SPRN: variants seen among roughly 807,000 people sequenced by gnomAD.
SPRN encodes shadow of prion protein, also known as hypothetical protein BC004409.
For synonymous variants in SPRN, 182 were observed against 123.4 expected (o/e 1.48, Z -3.15); for missense variants, 312 against 241.4 (o/e 1.29, Z -1.94).
At chr10:133,423,741 G>A (rs1850307055) in intron 1 of SPRN, 44 bp from the exon 2 acceptor site, 2 of 1,354,304 alleles carry the variant, frequency 1.5e-6, no homozygotes, top group East Asian at 2.9e-5. Context: ...CATGGAGATC[G>A]GGTGCCCAGG....
At position 133,423,214 on chromosome 10, in the gene SPRN, G is replaced by A. The variant is rs765839943; in HGVS notation, c.*12C>T. 273 of 1,411,700 alleles carry A rather than the reference G, an allele frequency of 1.9e-4. 1 individual carries two copies. Among genetic ancestry groups the A allele is most frequent in the Non-Finnish European group, 2.4e-4 (260 of 1,081,986 alleles). The allele number at this position is 1,411,700 out of a possible 1,614,324, so 87.4% of individuals were successfully genotyped here. On this transcript the variant is annotated 3_prime_UTR_variant, in exon 2 of 2. Coordinates refer to ENST00000685335, the MANE Select transcript of SPRN (RefSeq NM_001391974.1). ...GCCGGGGGCCAGATGTGGTCCCCGA[G>A]CCCAGCCAGGCCTAGGGCCGCAGCA...
In SPRN at chr10:133,423,493, G is replaced by A; in HGVS notation, c.189C>T (p.Ser63=). 9.4e-6 allele frequency: 11 copies of A among 1,164,310 alleles called. No individual in the cohort carries two copies. The highest frequency in any genetic ancestry group is 1.2e-5 in the Non-Finnish European group (11 of 948,518). The allele number at this position is 1,164,310 out of a possible 1,614,324, so 72.1% of individuals were successfully genotyped here. A position where few individuals can be genotyped will look rare whatever the true frequency, so the allele number is the denominator to read the frequency against. Residue 63 remains serine (S), a synonymous_variant, in exon 2 of 2, where the codon TCC becomes TCT. Coordinates refer to ENST00000685335, the MANE Select transcript of SPRN (RefSeq NM_001391974.1). ...PAQRYGAPGS[S]LRVAAAGAAA... Reference sequence around the variant, plus strand: ...CCGCCCCGGCGGCAGCCACGCGCAGGGAGGAGCCCGGGGCACCGTAGCGCT... The same window carrying A: ...CCGCCCCGGCGGCAGCCACGCGCAGAGAGGAGCCCGGGGCACCGTAGCGCT...
chr10:133,421,014 G>C lies in SPRN; in HGVS notation c.*2212C>G, dbSNP rs1474619616. 2 of 152,678 alleles carry C rather than the reference G, an allele frequency of 1.3e-5. No homozygotes were observed. Among genetic ancestry groups the C allele is most frequent in the Non-Finnish European group, 2.9e-5 (2 of 68,388 alleles). 9.5% of individuals were successfully genotyped at this position (152,678 alleles called of 1,614,324 possible). ...GGGAAGAGGAAGGAAGGTGGGTGGG[G>C]CTGGTAGTATGGACTAAGGTGCTGC... On this transcript the variant is annotated 3_prime_UTR_variant, in exon 2 of 2. Transcript: ENST00000685335.
chr10:133,423,462 C>G lies in SPRN; in HGVS notation c.220G>C (p.Gly74Arg). 4 of 1,172,580 alleles carry G rather than the reference C, an allele frequency of 3.4e-6. No homozygotes were observed. Among genetic ancestry groups the G allele is most frequent in the Non-Finnish European group, 4.2e-6 (4 of 958,880 alleles). The allele number at this position is 1,172,580 out of a possible 1,614,324, so 72.6% of individuals were successfully genotyped here. The stretch of plus-strand genomic sequence containing the variant: ...CCCGCGGCCGCTCCCGCCGCCGCCC[C>G]GGCTGCCGCCCCGGCGGCAGCCACG... ...LRVAAAGAAA[G>R]AAAGAAAGLA... The change falls in exon 2 of 2, where the codon GGG becomes CGG. Residue 74 changes from glycine to arginine, a missense_variant. Transcript: ENST00000685335.
In SPRN at chr10:133,422,462, A is replaced by G. The variant is rs1455259370; in HGVS notation, c.*764T>C. 6.6e-6 allele frequency: 1 copy of G among 152,276 alleles called. No homozygotes were observed. The highest frequency in any genetic ancestry group is 1.5e-5 in the Non-Finnish European group (1 of 68,078). The allele number at this position is 152,276 out of a possible 1,614,324, so 9.4% of individuals were successfully genotyped here. ...TTCAAAGGACTTGGAAAGCTCTGGA[A>G]TGTGTTGGTTTTTCCCCCCCAAAAT... On this transcript the variant is annotated 3_prime_UTR_variant, in exon 2 of 2. Coordinates refer to ENST00000685335, the MANE Select transcript of SPRN (RefSeq NM_001391974.1).
chr10:133,423,621 T>G lies in SPRN; in HGVS notation c.61A>C (p.Ser21Arg). The part of the protein sequence containing the change: ...LLLAAAFLCD[S>R]GAAKGGRGGA... ...CCGCGGCCGCCCTTGGCTGCGCCGCTGTCGCAGAGGAAGGCGGCCGCCAGT... is the reference window on the plus strand; with the variant it reads ...CCGCGGCCGCCCTTGGCTGCGCCGCGGTCGCAGAGGAAGGCGGCCGCCAGT... Residue 21 changes from serine (S) to arginine (R), a missense_variant, in exon 2 of 2, where the codon AGC (serine) becomes CGC (arginine). Ser to Arg is a moderately radical substitution (Grantham distance 110, BLOSUM62 -1). Coordinates refer to ENST00000685335, the MANE Select transcript of SPRN (RefSeq NM_001391974.1). 1 of 1,557,828 alleles carries G rather than the reference T, an allele frequency of 6.4e-7. No individual in the cohort carries two copies. Among genetic ancestry groups the G allele is most frequent in the Non-Finnish European group, 8.7e-7 (1 of 1,156,068 alleles).
intron 1 of SPRN, 143 bp from the exon 2 acceptor site, chr10:133,423,840 T>TG (rs571827689): frequency 0.086 from 43,168 of 503,114 alleles, 1,061 homozygotes; most frequent in African/African-American, 0.17. Flanking sequence ...CACTGAGGCC[T>TG]GGGGGGGCGC....
At chr10:133,423,969 CAGGA>C in intron 1 of SPRN, among the ~76,000 whole-genome samples, 1 of 86,686 alleles carries the variant, frequency 1.2e-5, no homozygotes, top group African/African-American at 4.0e-5. Context: ...AGAAGCGGGG[CAGGA>C]GCGTTCAGGC....
rs1850218234 is a variant in SPRN, at chr10:133,420,720, GAC to G, written c.*2504_*2505del. ...CAGGCACACACAGACACAGACCAGA[GAC>G]TCCCAGCAGCAGAGCCCAAGCACTG... On this transcript the variant is annotated 3_prime_UTR_variant, in exon 2 of 2. Transcript: ENST00000685335. 6.5e-6 allele frequency: 1 copy of G among 152,802 alleles called. No individual in the cohort carries two copies. The highest frequency in any genetic ancestry group is 2.1e-4 in the South Asian group (1 of 4,850). 9.5% of individuals were successfully genotyped at this position (152,802 alleles called of 1,614,324 possible).
chr10:133,422,801 T>G lies in SPRN; in HGVS notation c.*425A>C, dbSNP rs1293819677. 6.1e-6 allele frequency: 1 copy of G among 162,840 alleles called. No homozygotes were observed. The highest frequency in any genetic ancestry group is 1.3e-5 in the Non-Finnish European group (1 of 75,414). The allele number at this position is 162,840 out of a possible 1,614,324, so 10.1% of individuals were successfully genotyped here. The stretch of plus-strand genomic sequence containing the variant: ...CTTCTTTTGGGGAGGGTCAGATTCC[T>G]CAGGGGCTCAGTGGCAGAACCAGCC... On this transcript the variant is annotated 3_prime_UTR_variant, in exon 2 of 2. Coordinates refer to ENST00000685335, the MANE Select transcript of SPRN (RefSeq NM_001391974.1).
In SPRN at chr10:133,424,462, C is replaced by G. The variant is rs1220559959; in HGVS notation, c.-17+11G>C. Reference sequence around the variant, plus strand: ...CCCGGCCCCGTACCCGCCCCAGCCTCCCGGCCTTACCCGCCACGGGCCTCG... The same window carrying G: ...CCCGGCCCCGTACCCGCCCCAGCCTGCCGGCCTTACCCGCCACGGGCCTCG... On this transcript the variant is annotated intron_variant, in intron 1 of 1. Coordinates refer to ENST00000685335, the MANE Select transcript of SPRN (RefSeq NM_001391974.1). 24 of 115,512 alleles carry G rather than the reference C, an allele frequency of 2.1e-4. No individual in the cohort carries two copies. The highest frequency in any genetic ancestry group is 3.4e-5 in the Non-Finnish European group (2 of 58,616). The allele number at this position is 115,512 out of a possible 1,614,324, so 7.2% of individuals were successfully genotyped here.
In SPRN at chr10:133,422,102, C is replaced by G. The variant is rs1850251820; in HGVS notation, c.*1124G>C. On this transcript the variant is annotated 3_prime_UTR_variant, in exon 2 of 2. Coordinates refer to ENST00000685335, the MANE Select transcript of SPRN (RefSeq NM_001391974.1). ...CTTGTCGTGACTGTCCAGCGCCACT[C>G]CATGTCTCTCCTGTCCTTGGATGTT... 1 of 152,870 alleles carries G rather than the reference C, an allele frequency of 6.5e-6. No homozygotes were observed. Among genetic ancestry groups the G allele is most frequent in the Non-Finnish European group, 1.5e-5 (1 of 68,292 alleles). The allele number at this position is 152,870 out of a possible 1,614,324, so 9.5% of individuals were successfully genotyped here.
In SPRN at chr10:133,423,292, C is replaced by T. The variant is rs1320243109; in HGVS notation, c.390G>A (p.Thr130=). 4 of 1,518,390 alleles carry T rather than the reference C, an allele frequency of 2.6e-6. No homozygotes were observed. The highest frequency in any genetic ancestry group is 2.0e-5 in the Admixed American group (1 of 49,508). The allele number at this position is 1,518,390 out of a possible 1,614,324, so 94.1% of individuals were successfully genotyped here. A position where few individuals can be genotyped will look rare whatever the true frequency, so the allele number is the denominator to read the frequency against. Residue 130 remains threonine, a synonymous_variant, in exon 2 of 2, where the codon ACG becomes ACA. Coordinates refer to ENST00000685335, the MANE Select transcript of SPRN (RefSeq NM_001391974.1). ...GCACGAGACAGAGACGCGGGCCGCGCGTGGGTCCAGCGCCCGAAGTCCACG... is the reference window on the plus strand; with the variant it reads ...GCACGAGACAGAGACGCGGGCCGCGTGTGGGTCCAGCGCCCGAAGTCCACG... ...YRAWTSGAGP[T]RGPRLCLVLG...
At position 133,421,085 on chromosome 10, in the gene SPRN, CTT is replaced by C. The variant is rs1199349324; in HGVS notation, c.*2139_*2140del. 6.6e-6 allele frequency: 1 copy of C among 152,318 alleles called. No homozygotes were observed. Among genetic ancestry groups the C allele is most frequent in the African/African-American group, 2.4e-5 (1 of 41,442 alleles). The allele number at this position is 152,318 out of a possible 1,614,324, so 9.4% of individuals were successfully genotyped here. A position where few individuals can be genotyped will look rare whatever the true frequency, so the allele number is the denominator to read the frequency against. On this transcript the variant is annotated 3_prime_UTR_variant, in exon 2 of 2. Transcript: ENST00000685335. ...TCCTGTGCAGAAGCTCCGGCTGCCTCTTTGCGGTGGTGGCCTGACCGTCCCAC... is the reference window on the plus strand; with the variant it reads ...TCCTGTGCAGAAGCTCCGGCTGCCTCTGCGGTGGTGGCCTGACCGTCCCAC...
At position 133,423,022 on chromosome 10, in the gene SPRN, C is replaced by T. The variant is rs1311431122; in HGVS notation, c.*204G>A. 2 of 513,236 alleles carry T rather than the reference C, an allele frequency of 3.9e-6. No homozygotes were observed. The highest frequency in any genetic ancestry group is 6.7e-6 in the Non-Finnish European group (2 of 298,382). The allele number at this position is 513,236 out of a possible 1,614,324, so 31.8% of individuals were successfully genotyped here. A position where few individuals can be genotyped will look rare whatever the true frequency, so the allele number is the denominator to read the frequency against. On this transcript the variant is annotated 3_prime_UTR_variant, in exon 2 of 2. Transcript: ENST00000685335. ...ATCCTGGAGTGGGTGGGGCAGGGCC[C>T]ATGGTCTCCTCTAGGTGGGAGGTGG...
In SPRN at chr10:133,423,441, C is replaced by T. The variant is rs1850296120; in HGVS notation, c.241G>A (p.Ala81Thr). ...CAGCCCGAGCCCGCCGCCAGGCCCG[C>T]GGCCGCTCCCGCCGCCGCCCCGGCT... ...AAAGAAAGAA[A>T]GLAAGSGWRR... Residue 81 changes from alanine (A) to threonine (T), a missense_variant, in exon 2 of 2, where the codon GCG becomes ACG. By Grantham distance (58) the Ala-to-Thr change is moderately conservative. Coordinates refer to ENST00000685335, the MANE Select transcript of SPRN (RefSeq NM_001391974.1). The T allele has an allele frequency of 3.2e-6, 4 of 1,258,978 alleles. No homozygotes were observed. The highest frequency in any genetic ancestry group is 3.1e-5 in the South Asian group (1 of 32,176). 78.0% of individuals were successfully genotyped at this position (1,258,978 alleles called of 1,614,324 possible). A position where few individuals can be genotyped will look rare whatever the true frequency, so the allele number is the denominator to read the frequency against.
In SPRN at chr10:133,423,192, G is replaced by A. The variant is rs1364395088; in HGVS notation, c.*34C>T. 72 of 1,360,550 alleles carry A rather than the reference G, an allele frequency of 5.3e-5. No individual in the cohort carries two copies. Among genetic ancestry groups the A allele is most frequent in the Non-Finnish European group, 6.5e-5 (69 of 1,053,588 alleles). 84.3% of individuals were successfully genotyped at this position (1,360,550 alleles called of 1,614,324 possible). ...AGGATCCTGGGGGATGGCGCGGGCCGGGGGCCAGATGTGGTCCCCGAGCCC... is the reference window on the plus strand; with the variant it reads ...AGGATCCTGGGGGATGGCGCGGGCCAGGGGCCAGATGTGGTCCCCGAGCCC... On this transcript the variant is annotated 3_prime_UTR_variant, in exon 2 of 2. Coordinates refer to ENST00000685335, the MANE Select transcript of SPRN (RefSeq NM_001391974.1).
chr10:133,422,821 C>T lies in SPRN; in HGVS notation c.*405G>A, dbSNP rs1470704339. On this transcript the variant is annotated 3_prime_UTR_variant, in exon 2 of 2. Transcript: ENST00000685335. ...ATTCCTCAGGGGCTCAGTGGCAGAACCAGCCTGATGTCGCCTCCCTGCCCG... is the reference window on the plus strand; with the variant it reads ...ATTCCTCAGGGGCTCAGTGGCAGAATCAGCCTGATGTCGCCTCCCTGCCCG... 1 of 169,632 alleles carries T rather than the reference C, an allele frequency of 5.9e-6. No homozygotes were observed. Among genetic ancestry groups the T allele is most frequent in the African/African-American group, 2.4e-5 (1 of 42,154 alleles). The allele number at this position is 169,632 out of a possible 1,614,324, so 10.5% of individuals were successfully genotyped here.
At position 133,423,307 on chromosome 10, in the gene SPRN, C is replaced by A. The variant is rs1425214346; in HGVS notation, c.375G>T (p.Ser125=). Residue 125 remains serine (S), a synonymous_variant, in exon 2 of 2, where the codon TCG becomes TCT. Coordinates refer to ENST00000685335, the MANE Select transcript of SPRN (RefSeq NM_001391974.1). Reference sequence around the variant, plus strand: ...GCGGGCCGCGCGTGGGTCCAGCGCCCGAAGTCCACGCCCGGTAGCTGTAGA... The same window carrying A: ...GCGGGCCGCGCGTGGGTCCAGCGCCAGAAGTCCACGCCCGGTAGCTGTAGA... ...PGIYSYRAWT[S]GAGPTRGPRL... 2 of 1,521,338 alleles carry A rather than the reference C, an allele frequency of 1.3e-6. No individual in the cohort carries two copies. The highest frequency in any genetic ancestry group is 1.2e-5 in the South Asian group (1 of 81,964). 94.2% of individuals were successfully genotyped at this position (1,521,338 alleles called of 1,614,324 possible). A position where few individuals can be genotyped will look rare whatever the true frequency, so the allele number is the denominator to read the frequency against.
Sources: gnomAD v4.1 joint callset for allele counts (sites outside exome capture counted in the v4.1 genomes callset) on GRCh38, gnomAD v4.1.1 for gene constraint, MANE v1.5 for transcripts, NCBI Gene and HGNC (gene_info 2026-07-23, HGNC 2026-07-21) for gene names.